HAAO: variants seen among roughly 807,000 people sequenced by gnomAD.
HAAO encodes 3-hydroxyanthranilate oxygenase.
HAAO carries 49 observed loss-of-function variants against 46.2 expected under a neutral mutation model. The observed-to-expected ratio is 1.06, with a 90% CI of 0.84 to 1.34. The LOEUF is 1.34. Among genes scored for constraint, HAAO ranks in the 40% most tolerant of loss-of-function variants. HAAO has a pLI of 0.00. For synonymous variants in HAAO, 157 were observed against 145.2 expected, an observed-to-expected ratio of 1.08 and a Z score of -0.58; for missense variants, 408 against 364.5, an observed-to-expected ratio of 1.12 and a Z score of -0.97.
chr2:42,792,507 C>T lies in HAAO; in HGVS notation c.30G>A (p.Trp10Ter), dbSNP rs151014776. ...GGAAGGAGCCCCGGTTCTCCTTCAC[C>T]CAGGCCCTCACTCCCAGGCGGCGCT... Reference protein sequence around the residue: MERRLGVRAWVKENRGSFQP... With the variant: MERRLGVRA The change falls in exon 1 of 10, where the codon TGG becomes TGA. Residue 10 changes from tryptophan (W) to a stop codon, truncating the protein, a stop_gained. Coordinates refer to ENST00000294973, the MANE Select transcript of HAAO (RefSeq NM_012205.3). LOFTEE classifies it high-confidence loss of function. 1.9e-6 allele frequency: 3 copies of T among 1,593,506 alleles called. No homozygotes were observed. Among genetic ancestry groups the T allele is most frequent in the East Asian group, 2.4e-5 (1 of 41,668 alleles).
intron 4 of HAAO, among the ~76,000 whole-genome samples, chr2:42,781,898 T>A (rs1672028075): frequency 6.6e-6 from 1 of 152,090 alleles, no homozygotes; most frequent in Non-Finnish European, 1.5e-5. Context: ...TTATTCTTGC[T>A]GCACTGTATA....
At chr2:42,769,648 A>G in intron 7 of HAAO, 65 bp downstream of exon 7, 1 of 1,403,578 alleles carries the variant, frequency 7.1e-7, no homozygotes, top group Non-Finnish European at 9.8e-7. Context: ...AGTGAGAGAG[A>G]GACTGGTTCC....
intron 4 of HAAO, among the ~76,000 whole-genome samples, chr2:42,782,008 C>G (rs1214772162): frequency 6.6e-6 from 1 of 152,122 alleles, no homozygotes. Context: ...GTTTTGAAAA[C>G]TATAGTATAC....
At chr2:42,770,106 G>A in intron 6 of HAAO, 37 bp downstream of exon 6, 2 of 1,583,738 alleles carry the variant, frequency 1.3e-6, no homozygotes. Context: ...TGGAAGGGGA[G>A]GGAGGGAAGG....
At position 42,783,797 on chromosome 2, in the gene HAAO, A is replaced by T. The variant is rs957175192; in HGVS notation, c.230T>A (p.Ile77Asn). Residue 77 changes from isoleucine to asparagine, a missense_variant, in exon 3 of 10, where the codon ATT (isoleucine) becomes AAT (asparagine). Physicochemically the swap from Ile to Asn is moderately radical, Grantham distance 149. Coordinates refer to ENST00000294973, the MANE Select transcript of HAAO (RefSeq NM_012205.3). ...LEQGKHRDVVIRQGEIFLLPA... is the reference protein window; with the variant it reads ...LEQGKHRDVVNRQGEIFLLPA... Reference sequence around the variant, plus strand: ...ATCCGGCCTCACCTCTCCCTGCCGAATGACCACATCCCGGTGTTTCCCTTG... The same window carrying T: ...ATCCGGCCTCACCTCTCCCTGCCGATTGACCACATCCCGGTGTTTCCCTTG... The T allele has an allele frequency of 4.3e-6, 7 of 1,612,430 alleles. No homozygotes were observed. In the African/African-American group the frequency reaches 8.0e-5, roughly 18 times the overall value.
intron 4 of HAAO, among the ~76,000 whole-genome samples, chr2:42,773,559 C>T (rs1671308944): frequency 6.6e-6 from 1 of 151,272 alleles, no homozygotes; most frequent in South Asian, 2.1e-4. Flanking sequence ...AAGCTGAGAA[C>T]TGCTTAGGGC....
intron 2 of HAAO, 176 bp from the exon 3 acceptor site, chr2:42,784,043 G>A: frequency 2.2e-5 from 16 of 728,388 alleles, no homozygotes; most frequent in Non-Finnish European, 2.7e-5. Context: ...ATGCCATGGA[G>A]TGCCGGGGAC....
chr2:42,771,713 G>A (rs1478146267), intron 4 of HAAO, among the ~76,000 whole-genome samples: 1 of 152,260 alleles, frequency 6.6e-6, no homozygotes, highest in Non-Finnish European at 1.5e-5. Flanking sequence ...TGCTGCACAT[G>A]GTGGGTGCCA....
intron 7 of HAAO, among the ~76,000 whole-genome samples, chr2:42,769,197 A>C (rs746408574): frequency 1.3e-5 from 2 of 152,168 alleles, no homozygotes; most frequent in Non-Finnish European, 2.9e-5. Context: ...TACATTCTTT[A>C]AGGTAGCAAC....
At position 42,783,404 on chromosome 2, in the gene HAAO, G is replaced by A. The variant is rs1181265039; in HGVS notation, c.260C>T (p.Ala87Val). Residue 87 changes from alanine (A) to valine (V), a missense_variant, in exon 4 of 10, where the codon GCC (alanine) becomes GTC (valine). Coordinates refer to ENST00000294973, the MANE Select transcript of HAAO (RefSeq NM_012205.3). ...CCTCTGTGGTGAGTGGGGCACCCTG[G>A]CAGGCAGGAGGAATATCTGCAGTGG... The part of the protein sequence containing the change: ...IRQGEIFLLP[A>V]RVPHSPQRFA... 6 of 1,609,416 alleles carry A rather than the reference G, an allele frequency of 3.7e-6. No individual in the cohort carries two copies. In the South Asian group the frequency reaches 5.5e-5, roughly 15 times the overall value.
intron 4 of HAAO, among the ~76,000 whole-genome samples, chr2:42,774,314 G>A (rs556482094): frequency 6.6e-6 from 1 of 152,288 alleles, no homozygotes; most frequent in Non-Finnish European, 1.5e-5. Flanking sequence ...CTGAGTGGAG[G>A]TGCCCCTGAC....
At chr2:42,768,296 G>A (rs754496227) in intron 7 of HAAO, among the ~76,000 whole-genome samples, 1 of 152,160 alleles carries the variant, frequency 6.6e-6, no homozygotes. Flanking sequence ...TATGAGTCTG[G>A]CCTCAGGAGG....
At chr2:42,776,633 C>CGTT (rs1558665329) in intron 4 of HAAO, among the ~76,000 whole-genome samples, 1 of 134,120 alleles carries the variant, frequency 7.5e-6, no homozygotes, top group African/African-American at 2.7e-5. Context: ...GAGTTGTTTC[C>CGTT]TTTTTTTTTT....
intron 4 of HAAO, chr2:42,783,096 C>T: frequency 1.7e-6 from 1 of 576,860 alleles, no homozygotes; most frequent in Non-Finnish European, 3.1e-6. Context: ...AGTGAGCTTC[C>T]AGGGGGTCAC....
intron 2 of HAAO, among the ~76,000 whole-genome samples, chr2:42,784,236 A>C (rs892603566): frequency 3.3e-5 from 5 of 152,170 alleles, no homozygotes; most frequent in African/African-American, 1.2e-4. Flanking sequence ...CTTTTCCACC[A>C]GAAACCTTCA....
In HAAO at chr2:42,767,409, G is replaced by A; in HGVS notation, c.*28C>T. The A allele has an allele frequency of 1.9e-6, 3 of 1,560,568 alleles. No individual in the cohort carries two copies. Among genetic ancestry groups the A allele is most frequent in the Non-Finnish European group, 1.8e-6 (2 of 1,134,544 alleles). ...GCACTCGAGGGTGCTTGGCACACCT[G>A]TGGCTGCTTCAGGCCATGGCAAGAG... is the stretch of plus-strand genomic sequence containing the variant. On this transcript the variant is annotated 3_prime_UTR_variant, in exon 10 of 10. Coordinates refer to ENST00000294973, the MANE Select transcript of HAAO (RefSeq NM_012205.3).
chr2:42,770,753 C>G (rs1251838884), intron 4 of HAAO, among the ~76,000 whole-genome samples, 171 bp from the exon 5 acceptor site: 2 of 152,174 alleles, frequency 1.3e-5, no homozygotes, highest in African/African-American at 4.8e-5. Flanking sequence ...TCTTCAGAAG[C>G]ACACGTGCGC....
intron 3 of HAAO, 92 bp from the exon 4 acceptor site, chr2:42,783,512 C>T: frequency 1.2e-6 from 1 of 837,660 alleles, no homozygotes; most frequent in Admixed American, 2.1e-5. Flanking sequence ...CAGCTGACCC[C>T]CGGGCAGCAA....
chr2:42,771,230 A>AATC (rs1020823558), intron 4 of HAAO, among the ~76,000 whole-genome samples: 1 of 151,294 alleles, frequency 6.6e-6, no homozygotes, highest in Non-Finnish European at 1.5e-5. Flanking sequence ...TAATAATAAT[A>AATC]ATAAATAAAT....
Sources: allele counts gnomAD v4.1 joint callset (sites outside exome capture counted in the v4.1 genomes callset), GRCh38; gene constraint gnomAD v4.1.1; transcripts MANE v1.5; gene names NCBI Gene and HGNC (gene_info 2026-07-23, HGNC 2026-07-21).